Variants in DNAH11 observed in about 807,000 individuals in gnomAD.
DNAH11 encodes the protein dynein axonemal heavy chain 11.
Under a neutral mutation model 526.0 loss-of-function variants are expected in DNAH11, and 442 were observed. That is an observed-to-expected ratio of 0.84 (90% CI 0.78 to 0.91). The LOEUF (loss-of-function observed/expected upper bound fraction) is 0.91, where lower values mean the gene tolerates loss of function less well. Among genes scored for constraint, DNAH11 ranks in the 40% least tolerant of loss-of-function variants. DNAH11 has a pLI of 0.00. For missense variants in DNAH11, 6,989 were observed against 5,448.7 expected, an observed-to-expected ratio of 1.28 and a Z score of -8.90; for synonymous variants, 2,461 against 1,935.9, an observed-to-expected ratio of 1.27 and a Z score of -7.12.
At chr7:21,678,520 T>A (rs1782998670) in intron 30 of DNAH11, among the ~76,000 whole-genome samples, 1 of 152,168 alleles carries the variant, frequency 6.6e-6, no homozygotes, top group Non-Finnish European at 1.5e-5. Flanking sequence ...TGCTTAAGAT[T>A]GCTTTGGCTA....
chr7:21,582,289 C>T (rs1490036512), intron 9 of DNAH11, among the ~76,000 whole-genome samples: 1 of 152,130 alleles, frequency 6.6e-6, no homozygotes, highest in Non-Finnish European at 1.5e-5. Flanking sequence ...CAAATTTGGC[C>T]TGGCCAATGA....
intron 25 of DNAH11, among the ~76,000 whole-genome samples, chr7:21,633,437 T>C (rs1040201780): frequency 2.6e-5 from 4 of 152,248 alleles, no homozygotes; most frequent in Non-Finnish European, 5.9e-5. Flanking sequence ...TGTATTGCAG[T>C]CTATCTCATA....
At chr7:21,575,223 G>T (rs1784044909) in intron 8 of DNAH11, among the ~76,000 whole-genome samples, 1 of 152,080 alleles carries the variant, frequency 6.6e-6, no homozygotes, top group Non-Finnish European at 1.5e-5. Flanking sequence ...TATCTTGCTT[G>T]TTGCATCCTC....
At chr7:21,786,523 A>G in intron 58 of DNAH11, 101 bp from the exon 59 acceptor site, 1 of 1,397,284 alleles carries the variant, frequency 7.2e-7, no homozygotes, top group African/African-American at 1.4e-5. Context: ...TTTGATAAGG[A>G]GAAGTGGGAG....
intron 30 of DNAH11, among the ~76,000 whole-genome samples, chr7:21,662,671 T>A (rs950076148): frequency 1.3e-5 from 2 of 152,098 alleles, no homozygotes; most frequent in African/African-American, 4.8e-5. Context: ...TGTTACTAAC[T>A]GAGGTCACCA....
Position 21,621,117 on chromosome 7 carries a change from C to G in DNAH11, c.4500+1039C>G, listed in dbSNP as rs568848269. 1.2e-4 allele frequency among the ~76,000 whole-genome samples: 19 copies of G among 152,186 alleles called. No individual in the cohort carries two copies. In the South Asian group the frequency reaches 3.5e-3, roughly 28 times the overall value. ...GCTGGGTCAAATGGTATTTCTAGTT[C>G]TAGATCCCTGAGGAATCGCCACACT... On this transcript the variant is annotated intron_variant, in intron 25 of 81. Coordinates refer to ENST00000409508, the MANE Select transcript of DNAH11 (RefSeq NM_001277115.2).
intron 45 of DNAH11, among the ~76,000 whole-genome samples, chr7:21,734,890 A>T (rs1320409778): frequency 6.6e-6 from 1 of 151,234 alleles, no homozygotes; most frequent in Non-Finnish European, 1.5e-5. Flanking sequence ...ACTCACAATC[A>T]ACCGGGTGCA....
chr7:21,901,552 G>T lies in DNAH11; in HGVS notation c.*298G>T. 9.4e-6 allele frequency: 2 copies of T among 213,766 alleles called. No individual in the cohort carries two copies. Among genetic ancestry groups the T allele is most frequent in the Non-Finnish European group, 9.1e-6 (1 of 109,568 alleles). 13.2% of individuals were successfully genotyped at this position (213,766 alleles called of 1,614,324 possible). The stretch of plus-strand genomic sequence containing the variant: ...CCACTGCACTCCCTCCTGGGCAACA[G>T]AACAAGACTCCATCTCAAAAAAAAA... On this transcript the variant is annotated 3_prime_UTR_variant, in exon 82 of 82. Transcript: ENST00000409508.
At chr7:21,638,580 A>C (rs760072826) in intron 27 of DNAH11, among the ~76,000 whole-genome samples, 52 of 152,250 alleles carry the variant, frequency 3.4e-4, no homozygotes, top group Middle Eastern at 3.4e-3. Context: ...TTTTGCTCTC[A>C]GGTTGAAGGA....
At chr7:21,886,932 G>A (rs1436734174) in intron 76 of DNAH11, among the ~76,000 whole-genome samples, 12 of 152,134 alleles carry the variant, frequency 7.9e-5, no homozygotes, top group Admixed American at 7.9e-4. Flanking sequence ...ACTCACCAAA[G>A]GAAATTAAAG....
chr7:21,895,205 G>A (rs908218505), intron 79 of DNAH11, among the ~76,000 whole-genome samples: 2 of 152,228 alleles, frequency 1.3e-5, no homozygotes, highest in Non-Finnish European at 2.9e-5. Flanking sequence ...CAGGGTCAGA[G>A]CAAGACTGAA....
intron 81 of DNAH11, among the ~76,000 whole-genome samples, chr7:21,900,524 G>GTGAATC (rs1288430827): frequency 8.3e-6 from 1 of 120,634 alleles, no homozygotes; most frequent in East Asian, 2.1e-4. Context: ...ACTGCGTAGG[G>GTGAATC]TGAATCTCTA....
chr7:21,860,695 A>G (rs1045386714), intron 68 of DNAH11, among the ~76,000 whole-genome samples: 2 of 152,184 alleles, frequency 1.3e-5, no homozygotes, highest in African/African-American at 4.8e-5. Flanking sequence ...CAGTCACAGT[A>G]AGACTGTGAC....
At chr7:21,553,398 C>A (rs1332424630) in intron 2 of DNAH11, among the ~76,000 whole-genome samples, 1 of 152,112 alleles carries the variant, frequency 6.6e-6, no homozygotes, top group African/African-American at 2.4e-5. Flanking sequence ...TCCCCTTTTA[C>A]CCGACACTAT....
At chr7:21,557,443 A>G (rs534508414) in intron 2 of DNAH11, among the ~76,000 whole-genome samples, 14 of 152,304 alleles carry the variant, frequency 9.2e-5, no homozygotes, top group Middle Eastern at 3.4e-3. Flanking sequence ...GAATTCGGGT[A>G]TCTGAAGGCT....
At chr7:21,898,744 C>G (rs146362336) in intron 79 of DNAH11, among the ~76,000 whole-genome samples, 2 of 152,210 alleles carry the variant, frequency 1.3e-5, no homozygotes, top group Admixed American at 6.5e-5. Context: ...AGAACATGTA[C>G]GTAACAGCAG....
chr7:21,625,344 G>C (rs906581410), intron 25 of DNAH11, among the ~76,000 whole-genome samples: 1 of 151,982 alleles, frequency 6.6e-6, no homozygotes, highest in Non-Finnish European at 1.5e-5. Context: ...TTGTATTTCT[G>C]TCGTATCAGT....
intron 66 of DNAH11, among the ~76,000 whole-genome samples, chr7:21,847,883 C>T (rs1428366415): frequency 2.6e-5 from 4 of 151,988 alleles, no homozygotes; most frequent in Admixed American, 6.6e-5. Flanking sequence ...ATTATGCTTT[C>T]GACCGGGTGC....
Position 21,901,157 on chromosome 7 carries a change from T to A in DNAH11, c.13454T>A (p.Leu4485Gln). ...GAGTGCCCTGTGTATAGAACCAAAC[T>A]GAGAGGCCCCAGCTACATCTGGACC... ...TYECPVYRTK[L>Q]RGPSYIWTFR... The change falls in exon 82 of 82, where the codon CTG (leucine) becomes CAG (glutamine). Residue 4485 changes from leucine (L) to glutamine (Q), a missense_variant. Leu to Gln is a moderately radical substitution (Grantham distance 113). Transcript: ENST00000409508. 2 of 1,613,800 alleles carry A rather than the reference T, an allele frequency of 1.2e-6. No individual in the cohort carries two copies.
Sources: gnomAD v4.1 joint callset for allele counts (sites outside exome capture counted in the v4.1 genomes callset) on GRCh38, gnomAD v4.1.1 for gene constraint, MANE v1.5 for transcripts, NCBI Gene and HGNC (gene_info 2026-07-23, HGNC 2026-07-21) for gene names.